CARMIL1: variants seen among roughly 807,000 people sequenced by gnomAD.
CARMIL1 encodes capping protein regulator and myosin 1 linker 1.
A neutral mutation model predicts 177.1 loss-of-function variants in CARMIL1; 90 were observed. That is an observed-to-expected ratio of 0.51 (90% confidence interval 0.43 to 0.61). CARMIL1 has a LOEUF of 0.61. Among genes scored for constraint, CARMIL1 ranks in the 20% least tolerant of loss-of-function variants. CARMIL1 has a pLI of 0.00. For synonymous variants in CARMIL1, 577 were observed against 606.2 expected, an observed-to-expected ratio of 0.95 and a Z score of 0.71; for missense variants, 1,380 against 1,667.0, an observed-to-expected ratio of 0.83 and a Z score of 3.00.
chr6:25,432,582 G>A (rs572472179), intron 4 of CARMIL1, among the ~76,000 whole-genome samples: 324 of 152,344 alleles, frequency 2.1e-3, no homozygotes, highest in Non-Finnish European at 3.6e-3. Flanking sequence ...GAGGCCAGCA[G>A]TTATACAGTT....
intron 34 of CARMIL1, among the ~76,000 whole-genome samples, chr6:25,605,838 G>A (rs988769298): frequency 6.6e-6 from 1 of 152,158 alleles, no homozygotes; most frequent in Admixed American, 6.5e-5. Context: ...GGGGTGATCA[G>A]AAAACAACCA....
intron 2 of CARMIL1, among the ~76,000 whole-genome samples, chr6:25,296,913 CT>C (rs1782413918): frequency 2.9e-5 from 1 of 34,642 alleles, no homozygotes; most frequent in African/African-American, 1.7e-4. Context: ...ATCTATCTAT[CT>C]ATCTATCTAT....
chr6:25,451,986 G>GCCACCCCCCCCCC, intron 8 of CARMIL1: 2 of 112,672 alleles, frequency 1.8e-5, no homozygotes, highest in South Asian at 1.4e-4. Context: ...CTAGCATCTT[G>GCCACCCCCCCCCC]CCCCCCCCTC....
Position 25,334,680 on chromosome 6 carries a change from A to G in CARMIL1, c.138+49771A>G, listed in dbSNP as rs78347841. ...ATTTAGTCATTTGCTGAGTTGGTAGATATTTATCTTGTGATTTCTTTTAAA... is the reference window on the plus strand; with the variant it reads ...ATTTAGTCATTTGCTGAGTTGGTAGGTATTTATCTTGTGATTTCTTTTAAA... On this transcript the variant is annotated intron_variant, in intron 2 of 36. Transcript: ENST00000329474. Among the ~76,000 whole-genome samples the G allele has an allele frequency of 1.3e-3, 199 of 152,198 alleles. 1 individual carries two copies. The East Asian group carries it at 0.018, about 14-fold the overall frequency.
intron 2 of CARMIL1, among the ~76,000 whole-genome samples, chr6:25,362,492 T>A (rs551071129): frequency 6.6e-6 from 1 of 152,122 alleles, no homozygotes; most frequent in East Asian, 1.9e-4. Flanking sequence ...CTGGACAACA[T>A]GGTAAAACCC....
intron 2 of CARMIL1, among the ~76,000 whole-genome samples, chr6:25,305,642 T>C (rs1285727368): frequency 6.6e-6 from 1 of 152,228 alleles, no homozygotes; most frequent in East Asian, 1.9e-4. Flanking sequence ...TTTTAGTGAG[T>C]TTCATCACAC....
intron 2 of CARMIL1, among the ~76,000 whole-genome samples, chr6:25,409,756 T>C (rs1794744483): frequency 6.6e-6 from 1 of 152,206 alleles, no homozygotes; most frequent in South Asian, 2.1e-4. Flanking sequence ...ACCATGTATA[T>C]ACTGACATCA....
intron 2 of CARMIL1, among the ~76,000 whole-genome samples, chr6:25,416,614 G>A (rs1251707543): frequency 6.6e-6 from 1 of 152,140 alleles, no homozygotes; most frequent in Non-Finnish European, 1.5e-5. Context: ...ATATTTTTAT[G>A]AATACTGAAG....
intron 29 of CARMIL1, among the ~76,000 whole-genome samples, chr6:25,561,387 A>T (rs534010776): frequency 6.6e-6 from 1 of 152,186 alleles, no homozygotes; most frequent in South Asian, 2.1e-4. Context: ...AATTCTTTCA[A>T]TTATTTTAAT....
intron 17 of CARMIL1, among the ~76,000 whole-genome samples, chr6:25,508,113 T>C (rs1232889094): frequency 6.6e-6 from 1 of 152,210 alleles, no homozygotes; most frequent in Non-Finnish European, 1.5e-5. Context: ...TCTGTACTTA[T>C]TCATCTCAAA....
At chr6:25,310,860 T>G (rs6456665) in intron 2 of CARMIL1, among the ~76,000 whole-genome samples, 31,516 of 151,874 alleles carry the variant, frequency 0.21, 4,184 homozygotes, top group East Asian at 0.4. Context: ...TGTGATTTTG[T>G]TTTTTTTGTG....
chr6:25,492,042 C>T lies in CARMIL1; in HGVS notation c.1220+18C>T. 1.9e-6 allele frequency: 3 copies of T among 1,601,102 alleles called. No individual in the cohort carries two copies. The highest frequency in any genetic ancestry group is 2.6e-6 in the Non-Finnish European group (3 of 1,170,140). On this transcript the variant is annotated intron_variant, in intron 15 of 36. Coordinates refer to ENST00000329474, the MANE Select transcript of CARMIL1 (RefSeq NM_017640.6). Reference sequence around the variant, plus strand: ...TCTCACCGGTATAGATTTATTTCTGCTCTCATTGTCATCTGGAAGTGTCTT... The same window carrying T: ...TCTCACCGGTATAGATTTATTTCTGTTCTCATTGTCATCTGGAAGTGTCTT...
rs1043621027 is a variant in CARMIL1 at position 25,489,563 on chromosome 6, T to G, written c.1065+978T>G. ...TCCCCTCTAGTCACCAAGATAGAAT[T>G]GTTTCTTTAACAACATGGCCTACAC... On this transcript the variant is annotated intron_variant, in intron 13 of 36. Transcript: ENST00000329474. Among the ~76,000 whole-genome samples, 5 of 152,190 alleles carry G rather than the reference T, an allele frequency of 3.3e-5. No individual in the cohort carries two copies. The East Asian group carries it at 9.6e-4, about 29-fold the overall frequency.
At chr6:25,583,596 C>A (rs75827270) in intron 31 of CARMIL1, among the ~76,000 whole-genome samples, 2,953 of 152,172 alleles carry the variant, frequency 0.019, 81 homozygotes, top group African/African-American at 0.061. Context: ...CCTGGTTGAT[C>A]ATTTCCTCAC....
At chr6:25,341,156 G>A (rs1476171245) in intron 2 of CARMIL1, among the ~76,000 whole-genome samples, 5 of 121,670 alleles carry the variant, frequency 4.1e-5, no homozygotes, top group East Asian at 4.7e-4. Context: ...TTACAGAGGC[G>A]TAAACGGGAG....
chr6:25,362,946 A>G (rs1261841765), intron 2 of CARMIL1, among the ~76,000 whole-genome samples: 1 of 152,148 alleles, frequency 6.6e-6, no homozygotes. Flanking sequence ...GAAGCATGAG[A>G]ATTGTCTGAA....
chr6:25,610,661 A>T (rs745902512), intron 36 of CARMIL1, among the ~76,000 whole-genome samples: 2 of 152,144 alleles, frequency 1.3e-5, no homozygotes, highest in Non-Finnish European at 2.9e-5. Flanking sequence ...GATGTTCCTT[A>T]CTCTCAGAAG....
intron 2 of CARMIL1, among the ~76,000 whole-genome samples, chr6:25,417,710 C>A (rs571595673): frequency 6.6e-6 from 1 of 151,782 alleles, no homozygotes; most frequent in East Asian, 2.0e-4. Flanking sequence ...GTTAACAAAG[C>A]TGTAAGATTT....
At chr6:25,334,941 C>A (rs911573513) in intron 2 of CARMIL1, among the ~76,000 whole-genome samples, 2 of 152,260 alleles carry the variant, frequency 1.3e-5, no homozygotes, top group Admixed American at 6.5e-5. Context: ...AACCATAGGC[C>A]CTTCACACCT....
Sources: allele counts gnomAD v4.1 joint callset (sites outside exome capture counted in the v4.1 genomes callset), GRCh38; gene constraint gnomAD v4.1.1; transcripts MANE v1.5; gene names NCBI Gene and HGNC (gene_info 2026-07-23, HGNC 2026-07-21).